Variants in EEPD1 observed in about 807,000 individuals in gnomAD.
EEPD1 encodes the protein endonuclease/exonuclease/phosphatase family domain containing 1.
A neutral mutation model predicts 46.3 loss-of-function variants in EEPD1; 17 were observed. The ratio of observed to expected loss-of-function variants is 0.37; its 90% CI spans 0.25 to 0.55. The LOEUF (loss-of-function observed/expected upper bound fraction) is 0.55. Ranked by LOEUF, EEPD1 falls within the 20% of genes least tolerant of loss-of-function variation. EEPD1 has a pLI of 0.83. For missense variants in EEPD1, 673 were observed against 745.6 expected (o/e 0.90, Z 1.13); for synonymous variants, 313 against 315.6 (o/e 0.99, Z 0.09).
intron 3 of EEPD1, among the ~76,000 whole-genome samples, chr7:36,250,609 A>G (rs778356956): frequency 2.0e-5 from 3 of 152,236 alleles, no homozygotes; most frequent in Admixed American, 2.0e-4. Flanking sequence ...CAGAGACAGT[A>G]TAGCCCATAA....
At chr7:36,294,105 C>T (rs1787487716) in intron 6 of EEPD1, among the ~76,000 whole-genome samples, 1 of 152,138 alleles carries the variant, frequency 6.6e-6, no homozygotes, top group Non-Finnish European at 1.5e-5. Context: ...CACGTCTGCT[C>T]CTCTGTGTAG....
chr7:36,242,064 G>A (rs1044275065), intron 3 of EEPD1, among the ~76,000 whole-genome samples: 24 of 152,168 alleles, frequency 1.6e-4, no homozygotes, highest in African/African-American at 5.1e-4. Context: ...CTGAGGCTGC[G>A]GCGGAGCAGA....
chr7:36,216,880 G>A (rs921259806), intron 2 of EEPD1, among the ~76,000 whole-genome samples: 1 of 152,152 alleles, frequency 6.6e-6, no homozygotes, highest in African/African-American at 2.4e-5. Context: ...TATTTTAAAG[G>A]TCTAGAAGGA....
chr7:36,192,205 G>A (rs765841020), intron 2 of EEPD1, among the ~76,000 whole-genome samples: 7 of 152,240 alleles, frequency 4.6e-5, no homozygotes, highest in Non-Finnish European at 1.0e-4. Flanking sequence ...AAGTGATGGC[G>A]TGTGAGCAGT....
At chr7:36,179,697 TAA>T (rs56263813) in intron 2 of EEPD1, among the ~76,000 whole-genome samples, 22,786 of 86,018 alleles carry the variant, frequency 0.26, 2,221 homozygotes, top group African/African-American at 0.32. Flanking sequence ...CTGTCTCTAC[TAA>T]AAAAAAAAAA....
chr7:36,170,280 A>G (rs1785054921), intron 2 of EEPD1, among the ~76,000 whole-genome samples: 1 of 150,854 alleles, frequency 6.6e-6, no homozygotes, highest in Admixed American at 6.6e-5. Context: ...ATGGTGGCGC[A>G]TGTCTGTAAT....
At chr7:36,222,740 C>T (rs957605207) in intron 2 of EEPD1, among the ~76,000 whole-genome samples, 7 of 152,134 alleles carry the variant, frequency 4.6e-5, no homozygotes, top group Non-Finnish European at 7.4e-5. Context: ...CATCTTCTAG[C>T]GGGGTCCCCA....
chr7:36,160,851 A>C (rs1450899576), intron 2 of EEPD1, among the ~76,000 whole-genome samples: 2 of 152,188 alleles, frequency 1.3e-5, no homozygotes, highest in Non-Finnish European at 2.9e-5. Context: ...GAGATTCAGC[A>C]GGTAGCTTGT....
intron 3 of EEPD1, among the ~76,000 whole-genome samples, chr7:36,243,501 G>T (rs987902901): frequency 2.0e-5 from 3 of 152,248 alleles, no homozygotes; most frequent in African/African-American, 7.2e-5. Flanking sequence ...TTACTGTCAT[G>T]CAGCTGAGCT....
intron 6 of EEPD1, among the ~76,000 whole-genome samples, chr7:36,289,651 C>T (rs1164954574): frequency 1.3e-5 from 2 of 152,230 alleles, no homozygotes; most frequent in Non-Finnish European, 2.9e-5. Context: ...CCCGCCACCG[C>T]GCCTGGCTAA....
At chr7:36,289,631 A>G (rs2115888470) in intron 6 of EEPD1, among the ~76,000 whole-genome samples, 1 of 152,258 alleles carries the variant, frequency 6.6e-6, no homozygotes, top group East Asian at 1.9e-4. Flanking sequence ...AGTAGCTGGG[A>G]CTATAGGCGC....
At chr7:36,290,911 C>T (rs138304949) in intron 6 of EEPD1, among the ~76,000 whole-genome samples, 1 of 152,342 alleles carries the variant, frequency 6.6e-6, no homozygotes, top group East Asian at 1.9e-4. Flanking sequence ...ACTCAGGCTC[C>T]TGCGCATCTA....
At chr7:36,221,224 A>G (rs1444542811) in intron 2 of EEPD1, among the ~76,000 whole-genome samples, 1 of 152,228 alleles carries the variant, frequency 6.6e-6, no homozygotes, top group Admixed American at 6.5e-5. Context: ...ATTTTATACA[A>G]CCTTATCTTT....
chr7:36,270,525 C>A (rs984654080), intron 3 of EEPD1, among the ~76,000 whole-genome samples: 3 of 152,116 alleles, frequency 2.0e-5, no homozygotes, highest in Non-Finnish European at 4.4e-5. Flanking sequence ...TCTCATTGTT[C>A]AACTCCTACT....
chr7:36,271,577 G>A (rs1198176258), intron 3 of EEPD1, among the ~76,000 whole-genome samples: 1 of 152,028 alleles, frequency 6.6e-6, no homozygotes, highest in Non-Finnish European at 1.5e-5. Flanking sequence ...TCACTCTGAT[G>A]ATAGTTTCTT....
intron 3 of EEPD1, among the ~76,000 whole-genome samples, chr7:36,242,893 C>T (rs1786577607): frequency 1.3e-5 from 2 of 151,990 alleles, no homozygotes; most frequent in South Asian, 4.2e-4. Context: ...CGCCCCACTG[C>T]ACTCCAGCCT....
At chr7:36,265,427 A>T (rs1378163653) in intron 3 of EEPD1, among the ~76,000 whole-genome samples, 2 of 152,244 alleles carry the variant, frequency 1.3e-5, no homozygotes, top group African/African-American at 4.8e-5. Flanking sequence ...GTGTTTACAG[A>T]CAGAGAAAAT....
At chr7:36,160,680 G>GTGT (rs1554308602) in intron 2 of EEPD1, among the ~76,000 whole-genome samples, 7 of 118,768 alleles carry the variant, frequency 5.9e-5, no homozygotes, top group African/African-American at 1.6e-4. Context: ...AGGTGGTGGG[G>GTGT]GGCGGGGCGT....
chr7:36,177,903 G>A (rs573109344), intron 2 of EEPD1, among the ~76,000 whole-genome samples: 65 of 152,118 alleles, frequency 4.3e-4, no homozygotes, highest in African/African-American at 1.4e-3. Flanking sequence ...TAGTAGAGAC[G>A]GAGTTTCACC....
Sources: allele counts gnomAD v4.1 joint callset (sites outside exome capture counted in the v4.1 genomes callset), GRCh38; gene constraint gnomAD v4.1.1; transcripts MANE v1.5; gene names NCBI Gene and HGNC (gene_info 2026-07-23, HGNC 2026-07-21).